The following TCF20 variants were observed in gnomAD, a reference collection of about 807,000 sequenced individuals.
TCF20 encodes transcription factor 20, also known as SPRE-binding protein.
Under a neutral mutation model 148.6 loss-of-function variants are expected in TCF20, and 3 were observed. The observed-to-expected ratio is 0.02, with a 90% CI of 0.01 to 0.05. The LOEUF is 0.05. Ranked by LOEUF, TCF20 falls within the 10% of genes least tolerant of loss-of-function variation. The pLI is 1.00. For synonymous variants in TCF20, 1,049 were observed against 909.5 expected (o/e 1.15, Z -2.76); for missense variants, 2,350 against 2,429.3 (o/e 0.97, Z 0.69).
chr22:42,341,783 G>T (rs7285654), intron 1 of TCF20, among the ~76,000 whole-genome samples: 2 of 149,640 alleles, frequency 1.3e-5, no homozygotes, highest in Admixed American at 6.6e-5. Flanking sequence ...GGGTGGGCGG[G>T]GGGGGCAAGA....
intron 5 of TCF20, among the ~76,000 whole-genome samples, chr22:42,166,136 G>A (rs1935769969): frequency 6.6e-6 from 1 of 152,244 alleles, no homozygotes; most frequent in African/African-American, 2.4e-5. Flanking sequence ...TATATGCCTT[G>A]TGGGAACAGC....
At chr22:42,251,868 G>A (rs114582089) in intron 1 of TCF20, among the ~76,000 whole-genome samples, 2,608 of 152,026 alleles carry the variant, frequency 0.017, 83 homozygotes, top group African/African-American at 0.059. Flanking sequence ...TTTGGATTTC[G>A]ATATTTTGGG....
Position 42,292,317 on chromosome 22 carries a change from CCAGTGCTAAAAT to C in TCF20, c.-37+51150_-37+51161del, listed in dbSNP as rs889725555. Reference sequence around the variant, plus strand: ...TTCCGTGTCCTGATCCGCTGAGGCCCCAGTGCTAAAATCAGGCCACGTGCACTAGGTCAAGGA... The same window carrying C: ...TTCCGTGTCCTGATCCGCTGAGGCCCCAGGCCACGTGCACTAGGTCAAGGA... On this transcript the variant is annotated intron_variant, in intron 1 of 1. Transcript: ENST00000515426. The surrounding 1 kb of genome is among the most constrained non-coding windows in gnomAD (Gnocchi z 4.9). Among the ~76,000 whole-genome samples, 9 of 152,276 alleles carry C rather than the reference CCAGTGCTAAAAT, an allele frequency of 5.9e-5. No individual in the cohort carries two copies. Among genetic ancestry groups the C allele is most frequent in the African/African-American group, 2.2e-4 (9 of 41,538 alleles).
chr22:42,185,568 G>A (rs1937004882), intron 2 of TCF20, among the ~76,000 whole-genome samples: 1 of 152,120 alleles, frequency 6.6e-6, no homozygotes, highest in Admixed American at 6.5e-5. Flanking sequence ...ATCTAGGATG[G>A]AAGCCGCTGT....
chr22:42,267,136 G>A (rs372119581), intron 1 of TCF20, among the ~76,000 whole-genome samples: 104 of 151,398 alleles, frequency 6.9e-4, no homozygotes, highest in African/African-American at 2.3e-3. Context: ...GCGAGGTGGC[G>A]CATGCCTGTA....
intron 5 of TCF20, among the ~76,000 whole-genome samples, chr22:42,167,336 G>A (rs975384225): frequency 1.3e-5 from 2 of 152,238 alleles, no homozygotes; most frequent in African/African-American, 2.4e-5. Context: ...AGGAGGGCAC[G>A]TTCCAGAAGG....
chr22:42,168,693 G>A lies in TCF20; in HGVS notation c.5843C>T (p.Ala1948Val), dbSNP rs758164737. The A allele has an allele frequency of 2.9e-5, 47 of 1,610,824 alleles. No individual in the cohort carries two copies. The highest frequency in any genetic ancestry group is 1.3e-4 in the East Asian group (6 of 44,820). The stretch of plus-strand genomic sequence containing the variant: ...CTGCTCTGTGCTGAGGCTGCCTTTC[G>A]CGGTCTTGTTCTGCAAGGGGGGGAG... ...CPLPPLQNKTAKGSLSTEQSE... is the reference protein window; with the variant it reads ...CPLPPLQNKTVKGSLSTEQSE... Residue 1948 changes from alanine (A) to valine (V), a missense_variant, in exon 5 of 6, where the codon GCG becomes GTG. By Grantham distance (64) the Ala-to-Val change is moderately conservative. Around this residue, in one of 7 missense-constraint regions of TCF20, gnomAD observed 67 missense variants for 60.8 expected, o/e 1.10. Transcript: ENST00000677622.
upstream of TCF20, among the ~76,000 whole-genome samples, chr22:42,271,323 T>C (rs1926612067): frequency 6.6e-6 from 1 of 152,242 alleles, no homozygotes; most frequent in Non-Finnish European, 1.5e-5. Context: ...ACGCTCCAGC[T>C]GCCTTCTGCT....
chr22:42,198,443 T>C (rs1270833268), intron 2 of TCF20, among the ~76,000 whole-genome samples: 4 of 152,212 alleles, frequency 2.6e-5, no homozygotes, highest in Admixed American at 6.5e-5. Context: ...CCTCTGCCAA[T>C]ACCAAACTCC....
chr22:42,170,653 A>AAAAAAAAAAAAAAC (rs1936080001), intron 3 of TCF20, among the ~76,000 whole-genome samples: 1 of 148,812 alleles, frequency 6.7e-6, no homozygotes, highest in African/African-American at 2.5e-5. Flanking sequence ...AAAAAAAAAA[A>AAAAAAAAAAAAAAC]AAGACTGAAA....
At chr22:42,271,889 C>T (rs60639327), upstream of TCF20, among the ~76,000 whole-genome samples, 473 of 152,278 alleles carry the variant, frequency 3.1e-3, no homozygotes, top group African/African-American at 0.011. Context: ...CACAGCTTCC[C>T]GGGGCCTGCT....
In TCF20 at chr22:42,270,226, G is replaced by A. The variant is rs1220719799; in HGVS notation, c.-37+113C>T. Among the ~76,000 whole-genome samples, 8 of 151,558 alleles carry A rather than the reference G, an allele frequency of 5.3e-5. No homozygotes were observed. In the South Asian group the frequency reaches 1.7e-3, roughly 32 times the overall value. ...AGTCCAGGAGGCTCCGCACTCCCAGGTTGGGTCCGGCCGGGACCTCTGCTC... is the reference window on the plus strand; with the variant it reads ...AGTCCAGGAGGCTCCGCACTCCCAGATTGGGTCCGGCCGGGACCTCTGCTC... On this transcript the variant is annotated intron_variant, in intron 1 of 5. Coordinates refer to ENST00000677622, the MANE Select transcript of TCF20 (RefSeq NM_001378418.1).
intron 1 of TCF20, chr22:42,276,485 G>C (rs944515661): frequency 6.6e-6 from 1 of 152,208 alleles, no homozygotes; most frequent in African/African-American, 2.4e-5. Context: ...CCACGGAGGC[G>C]TGGAGTCTTG....
At chr22:42,221,725 C>G (rs1922371440) in intron 1 of TCF20, among the ~76,000 whole-genome samples, 1 of 127,184 alleles carries the variant, frequency 7.9e-6, no homozygotes, top group Admixed American at 8.1e-5. Flanking sequence ...GGCTTATTAA[C>G]CATATGGCAA....
At position 42,211,512 on chromosome 22, in the gene TCF20, G is replaced by T; in HGVS notation, c.3794C>A (p.Pro1265His). 10 of 1,614,108 alleles carry T rather than the reference G, an allele frequency of 6.2e-6. No individual in the cohort carries two copies. Among genetic ancestry groups the T allele is most frequent in the Non-Finnish European group, 8.5e-6 (10 of 1,180,008 alleles). The change falls in exon 2 of 6, where the codon CCC becomes CAC. Residue 1265 changes from proline (P) to histidine (H), a missense_variant. Transcript: ENST00000677622. ...RRVRSFISPI[P>H]SKRQSQDVKN... is the part of the protein sequence containing the mutation. ...TACATCTTGTGACTGTCTCTTACTG[G>T]GAATGGGAGAGATAAAAGAACGAAC...
At chr22:42,282,480 C>A (rs1415241956) in intron 1 of TCF20, among the ~76,000 whole-genome samples, 1 of 152,240 alleles carries the variant, frequency 6.6e-6, no homozygotes, top group Non-Finnish European at 1.5e-5. Flanking sequence ...GAGCTGTTTG[C>A]CAACCTCCAG....
In TCF20 at chr22:42,306,230, G is replaced by C. The variant is rs549565466; in HGVS notation, c.-37+37249C>G. ...GCAGAAAGCCTCCATTTTGCAGGGA[G>C]AAATTAATGAAAGGCAGAAGCCTGG... On this transcript the variant is annotated intron_variant, in intron 1 of 1. Coordinates refer to the TCF20 transcript ENST00000515426. 2.6e-5 allele frequency among the ~76,000 whole-genome samples: 4 copies of C among 152,384 alleles called. No individual in the cohort carries two copies. In the East Asian group the frequency reaches 7.7e-4, roughly 29 times the overall value.
chr22:42,324,363 A>G (rs1927830557), intron 1 of TCF20, among the ~76,000 whole-genome samples: 1 of 152,096 alleles, frequency 6.6e-6, no homozygotes, highest in Non-Finnish European at 1.5e-5. Flanking sequence ...ATAAGACTTG[A>G]GAGAAATGGA....
intron 1 of TCF20, among the ~76,000 whole-genome samples, chr22:42,240,848 A>C (rs997997631): frequency 4.0e-5 from 6 of 151,838 alleles, no homozygotes; most frequent in African/African-American, 1.5e-4. Context: ...AAAAAACTCA[A>C]ATCTTCAACT....
Sources: gnomAD v4.1 joint callset for allele counts (sites outside exome capture counted in the v4.1 genomes callset) on GRCh38, gnomAD v4.1.1 for gene constraint, gnomAD v4.1.1 regional missense constraint, Gnocchi (gnomAD v3.1) non-coding constraint, MANE v1.5 for transcripts, NCBI Gene and HGNC (gene_info 2026-07-23, HGNC 2026-07-21) for gene names.